NEDD4L: variants seen among roughly 807,000 people sequenced by gnomAD.
The protein encoded by NEDD4L is NEDD4 like E3 ubiquitin protein ligase, also known as E3 ubiquitin-protein ligase NEDD4-like.
A neutral mutation model predicts 148.9 loss-of-function variants in NEDD4L; 54 were observed. The ratio of observed to expected loss-of-function variants is 0.36; its 90% CI spans 0.29 to 0.45. The LOEUF is 0.45. Among genes scored for constraint, NEDD4L ranks in the 20% least tolerant of loss-of-function variants. The pLI is 1.00. For synonymous variants in NEDD4L, 433 were observed against 440.7 expected (o/e 0.98, Z 0.22); for missense variants, 856 against 1,233.8 (o/e 0.69, Z 4.59).
At chr18:58,243,224 G>A (rs530443828) in intron 2 of NEDD4L, among the ~76,000 whole-genome samples, 1 of 152,148 alleles carries the variant, frequency 6.6e-6, no homozygotes, top group Admixed American at 6.5e-5. Context: ...CAGAGTTTAT[G>A]GTATTCTTTA....
intron 2 of NEDD4L, among the ~76,000 whole-genome samples, chr18:58,189,022 C>T (rs761563297): frequency 1.5e-4 from 23 of 152,124 alleles, no homozygotes; most frequent in Non-Finnish European, 2.9e-4. Context: ...GGGGCCCTCA[C>T]CGTGGGCTTT....
chr18:58,214,689 A>C (rs2042967314), intron 2 of NEDD4L, among the ~76,000 whole-genome samples: 1 of 150,088 alleles, frequency 6.7e-6, no homozygotes, highest in African/African-American at 2.5e-5. Flanking sequence ...TGGAAATGAT[A>C]GATTGCAACA....
intron 5 of NEDD4L, among the ~76,000 whole-genome samples, chr18:58,302,586 T>C (rs2056620174): frequency 6.6e-6 from 1 of 152,248 alleles, no homozygotes; most frequent in Non-Finnish European, 1.5e-5. Context: ...GACCCACTAC[T>C]ACTCCTATTT....
intron 2 of NEDD4L, among the ~76,000 whole-genome samples, chr18:58,229,016 G>T (rs958482331): frequency 1.3e-5 from 2 of 152,188 alleles, no homozygotes; most frequent in African/African-American, 4.8e-5. Flanking sequence ...ATTTTAACCA[G>T]ATCCCAGGCA....
chr18:58,221,022 GTC>G (rs1225896999), intron 2 of NEDD4L, among the ~76,000 whole-genome samples: 1 of 152,166 alleles, frequency 6.6e-6, no homozygotes, highest in African/African-American at 2.4e-5. Context: ...GGGCGGGGCT[GTC>G]TCTCATCTGA....
chr18:58,387,092 G>A (rs547309525), intron 26 of NEDD4L, among the ~76,000 whole-genome samples: 35 of 152,268 alleles, frequency 2.3e-4, no homozygotes, highest in East Asian at 7.7e-4. Flanking sequence ...ATTTTTAAGC[G>A]TGTCTCTTAC....
chr18:58,290,007 T>G (rs1335163404), intron 5 of NEDD4L, among the ~76,000 whole-genome samples: 1 of 152,228 alleles, frequency 6.6e-6, no homozygotes, highest in African/African-American at 2.4e-5. Flanking sequence ...AAAAATGATA[T>G]GTTTAATATT....
At chr18:58,047,129 C>A in intron 1 of NEDD4L, 2 of 444,834 alleles carry the variant, frequency 4.5e-6, no homozygotes, top group Non-Finnish European at 3.0e-6. Context: ...AGAATGCCCG[C>A]TGAAGCAAAC....
At chr18:58,114,626 G>T (rs901731336) in intron 1 of NEDD4L, among the ~76,000 whole-genome samples, 37 of 152,238 alleles carry the variant, frequency 2.4e-4, no homozygotes, top group African/African-American at 8.0e-4. Flanking sequence ...AGGCAGGACC[G>T]CAGAGCGGTG....
chr18:58,179,584 C>T (rs570343510), intron 2 of NEDD4L, among the ~76,000 whole-genome samples: 24 of 152,258 alleles, frequency 1.6e-4, no homozygotes, highest in Admixed American at 5.2e-4. Context: ...CCCCATCATT[C>T]GCATTGCTGC....
intron 5 of NEDD4L, among the ~76,000 whole-genome samples, chr18:58,304,838 A>T (rs1395690388): frequency 1.3e-5 from 2 of 152,238 alleles, no homozygotes. Context: ...ATGTTGCACT[A>T]AATGACTTTT....
chr18:58,049,604 A>G (rs573830956), intron 1 of NEDD4L, among the ~76,000 whole-genome samples: 3 of 152,320 alleles, frequency 2.0e-5, no homozygotes, highest in African/African-American at 4.8e-5. Context: ...TTGAGAAACA[A>G]ATGTTAAAAG....
chr18:58,330,346 C>T (rs978866186), intron 10 of NEDD4L, among the ~76,000 whole-genome samples: 1 of 152,126 alleles, frequency 6.6e-6, no homozygotes, highest in Non-Finnish European at 1.5e-5. Flanking sequence ...TTTATAAACT[C>T]CAGAGAAGTG....
intron 2 of NEDD4L, among the ~76,000 whole-genome samples, chr18:58,200,967 G>A (rs995543986): frequency 6.6e-6 from 1 of 152,268 alleles, no homozygotes; most frequent in East Asian, 1.9e-4. Flanking sequence ...CACTTTTGGT[G>A]GACTAAGGTT....
chr18:58,392,111 C>T (rs1018979838), intron 30 of NEDD4L, among the ~76,000 whole-genome samples: 1 of 152,216 alleles, frequency 6.6e-6, no homozygotes, highest in Non-Finnish European at 1.5e-5. Flanking sequence ...TCAGGAGGCA[C>T]AGTGACGCAG....
At position 58,044,568 on chromosome 18, in the gene NEDD4L, CG is replaced by C. The variant is rs1192704085; in HGVS notation, c.-87del. ...GCGTGCGCAGGGTAGGGTGCGGGAC[CG>C]GGGGGACCTGGAGGCAGAGGGGAGA... On this transcript the variant is annotated 5_prime_UTR_variant, in exon 1 of 31. Coordinates refer to ENST00000400345, the MANE Select transcript of NEDD4L (RefSeq NM_001144967.3). The C allele has an allele frequency of 7.8e-6, 11 of 1,412,540 alleles. No homozygotes were observed. The highest frequency in any genetic ancestry group is 1.6e-5 in the South Asian group (1 of 61,870). The allele number at this position is 1,412,540 out of a possible 1,614,324, so 87.5% of individuals were successfully genotyped here. A position where few individuals can be genotyped will look rare whatever the true frequency, so the allele number is the denominator to read the frequency against.
intron 2 of NEDD4L, among the ~76,000 whole-genome samples, chr18:58,166,287 TG>T: frequency 6.6e-6 from 1 of 152,352 alleles, no homozygotes; most frequent in South Asian, 2.1e-4. Context: ...TTTGGTGATT[TG>T]GGGCGAATGT....
At chr18:58,175,730 C>T (rs373770921) in intron 2 of NEDD4L, among the ~76,000 whole-genome samples, 11 of 152,216 alleles carry the variant, frequency 7.2e-5, no homozygotes, top group South Asian at 2.1e-4. Flanking sequence ...CCCCCCAAAC[C>T]GAAATGACAT....
chr18:58,259,385 C>T (rs1395698526), intron 5 of NEDD4L, among the ~76,000 whole-genome samples: 1 of 152,176 alleles, frequency 6.6e-6, no homozygotes, highest in South Asian at 2.1e-4. Flanking sequence ...CAGTCTGTGG[C>T]AGTCATTAGT....
Sources: gnomAD v4.1 joint callset for allele counts (sites outside exome capture counted in the v4.1 genomes callset) on GRCh38, gnomAD v4.1.1 for gene constraint, MANE v1.5 for transcripts, NCBI Gene and HGNC (gene_info 2026-07-23, HGNC 2026-07-21) for gene names.